The following PSD2 variants were observed in gnomAD, a reference collection of about 807,000 sequenced individuals.
The protein encoded by PSD2 is pleckstrin and Sec7 domain containing 2.
PSD2 carries 38 observed loss-of-function variants against 69.8 expected under a neutral mutation model. The ratio of observed to expected loss-of-function variants is 0.54; its 90% CI spans 0.42 to 0.71. The LOEUF (loss-of-function observed/expected upper bound fraction) is 0.71. Among genes scored for constraint, PSD2 ranks in the 30% least tolerant of loss-of-function variants. The pLI is 0.00. For missense variants in PSD2, 943 were observed against 1,014.5 expected, an observed-to-expected ratio of 0.93 and a Z score of 0.96; for synonymous variants, 412 against 423.0, an observed-to-expected ratio of 0.97 and a Z score of 0.32.
chr5:139,805,656 G>T (rs1361021196), intron 1 of PSD2, among the ~76,000 whole-genome samples: 4 of 152,190 alleles, frequency 2.6e-5, no homozygotes, highest in African/African-American at 7.2e-5. Flanking sequence ...TGTTGGAGTT[G>T]AGCCCTGAGT....
chr5:139,752,194 A>T, the PSD2 span, among the ~76,000 whole-genome samples: 8 of 152,182 alleles, frequency 5.3e-5, no homozygotes, highest in East Asian at 1.5e-3. Context: ...CCTACTGGTC[A>T]CGTCTCTCTC....
At chr5:139,756,746 T>C in the PSD2 span, among the ~76,000 whole-genome samples, 1 of 152,148 alleles carries the variant, frequency 6.6e-6, no homozygotes, top group African/African-American at 2.4e-5. Flanking sequence ...AAAATCAAAG[T>C]TGGCCTTCAG....
chr5:139,757,925 C>T, the PSD2 span, among the ~76,000 whole-genome samples: 3 of 152,260 alleles, frequency 2.0e-5, no homozygotes, highest in Admixed American at 6.5e-5. Flanking sequence ...CCTGTAGTCC[C>T]AGCGCTTTGG....
At chr5:139,816,097 T>C (rs755020205) in intron 4 of PSD2, among the ~76,000 whole-genome samples, 2 of 152,150 alleles carry the variant, frequency 1.3e-5, no homozygotes, top group Non-Finnish European at 2.9e-5. Context: ...AAAGTTACTA[T>C]TTGCTTCATT....
At chr5:139,793,149 G>A (rs1376273789), upstream of PSD2, among the ~76,000 whole-genome samples, 3 of 151,976 alleles carry the variant, frequency 2.0e-5, no homozygotes, top group Non-Finnish European at 4.4e-5. Context: ...CACTGTGTTG[G>A]CCAGGCTGGT....
chr5:139,822,635 T>C lies in PSD2; in HGVS notation c.1211-91T>C, dbSNP rs1760299444. On this transcript the variant is annotated intron_variant, in intron 6 of 14. Transcript: ENST00000274710. ...TTGGCAGGCGGCCGGCCTCCCTCTGTGTCCAAGGTCTCCTGACGGGTTCCG... is the reference window on the plus strand; with the variant it reads ...TTGGCAGGCGGCCGGCCTCCCTCTGCGTCCAAGGTCTCCTGACGGGTTCCG... 9 of 1,177,210 alleles carry C rather than the reference T, an allele frequency of 7.6e-6. No individual in the cohort carries two copies. In the South Asian group the frequency reaches 1.2e-4, roughly 16 times the overall value. 72.9% of individuals were successfully genotyped at this position (1,177,210 alleles called of 1,614,324 possible).
chr5:139,744,912 C>T, the PSD2 span: 1 of 152,358 alleles, frequency 6.6e-6, no homozygotes, highest in Non-Finnish European at 1.5e-5. Context: ...ATGGTACATT[C>T]AGGAGGGCAT....
intron 7 of PSD2, 116 bp downstream of exon 7, chr5:139,822,900 T>TG (rs1760308857): frequency 1.2e-6 from 1 of 864,386 alleles, no homozygotes; most frequent in South Asian, 2.3e-5. Context: ...TTTGAAGCGG[T>TG]GGGGGTTGGG....
the PSD2 span, among the ~76,000 whole-genome samples, chr5:139,765,887 C>A: frequency 1.4e-5 from 2 of 146,454 alleles, no homozygotes; most frequent in African/African-American, 4.9e-5. Flanking sequence ...CTGGTGGCTG[C>A]TGAGCAGTAC....
intron 1 of PSD2, among the ~76,000 whole-genome samples, chr5:139,808,695 G>A (rs1759871055): frequency 1.3e-5 from 2 of 152,192 alleles, no homozygotes; most frequent in South Asian, 4.1e-4. Flanking sequence ...GGCTCTGGGC[G>A]CTGTGTGTGG....
At chr5:139,792,506 T>C (rs188967100), upstream of PSD2, among the ~76,000 whole-genome samples, 2 of 152,064 alleles carry the variant, frequency 1.3e-5, no homozygotes, top group Non-Finnish European at 1.5e-5. Context: ...GGCCCCTCCA[T>C]GTGCAAGGGT....
At position 139,842,457 on chromosome 5, in the gene PSD2, A is replaced by G. The variant is rs1366842774; in HGVS notation, c.2299A>G (p.Thr767Ala). 1.2e-6 allele frequency: 2 copies of G among 1,613,848 alleles called. No individual in the cohort carries two copies. The highest frequency in any genetic ancestry group is 2.7e-5 in the African/African-American group (2 of 74,924). ...VTGSKTTKDATGPDT is the reference protein window; with the variant it reads ...VTGSKTTKDAAGPDT The stretch of plus-strand genomic sequence containing the variant: ...TGGCAGCAAAACCACAAAGGATGCC[A>G]CTGGGCCTGATACTTAGCTGACATG... The change falls in exon 15 of 15, where the codon ACT becomes GCT. Residue 767 changes from threonine to alanine, a missense_variant. Thr to Ala is a moderately conservative substitution (Grantham distance 58). Around this residue, in one of 3 missense-constraint regions of PSD2, gnomAD observed 165 missense variants for 168.8 expected, o/e 0.98. Transcript: ENST00000274710.
chr5:139,777,955 A>C, the PSD2 span, among the ~76,000 whole-genome samples: 1 of 152,220 alleles, frequency 6.6e-6, no homozygotes, highest in Non-Finnish European at 1.5e-5. Context: ...GGCTCCCAAC[A>C]ACCATTCCCT....
In PSD2 at chr5:139,814,669, G is replaced by A. The variant is rs1760073225; in HGVS notation, c.1016+305G>A. Among the ~76,000 whole-genome samples, 1 of 152,118 alleles carries A rather than the reference G, an allele frequency of 6.6e-6. No individual in the cohort carries two copies. The highest frequency in any genetic ancestry group is 2.1e-4 in the South Asian group (1 of 4,838). The stretch of plus-strand genomic sequence containing the variant: ...CCACGATGGATGTGAGGACAGAGAA[G>A]CCAGCAGGAGCTGGGCCCAGCTAAT... On this transcript the variant is annotated intron_variant, in intron 4 of 14. Coordinates refer to ENST00000274710, the MANE Select transcript of PSD2 (RefSeq NM_032289.4). This position sits in a 1 kb window ranked among gnomAD's most constrained non-coding sequence, Gnocchi z 4.4.
chr5:139,771,215 C>T, the PSD2 span, among the ~76,000 whole-genome samples: 2 of 152,162 alleles, frequency 1.3e-5, no homozygotes, highest in Non-Finnish European at 1.5e-5. Flanking sequence ...GTGACTGGCC[C>T]GGGTGGCGGA....
Position 139,837,782 on chromosome 5 carries a change from C to A in PSD2, c.1823C>A (p.Pro608Gln). The A allele has an allele frequency of 6.2e-7, 1 of 1,607,088 alleles. No homozygotes were observed. Among genetic ancestry groups the A allele is most frequent in the Non-Finnish European group, 8.5e-7 (1 of 1,174,732 alleles). ...TGGAGGGTATTCCTCTTCCAGGCAC[C>A]GTGAGTAGGAGCTGGAGCCCTTCAC... The part of the protein sequence containing the change: ...ADWRVFLFQA[P>Q]SKEEMLSWIL... The change falls in exon 12 of 15, where the codon CCG (proline) becomes CAG (glutamine). Residue 608 changes from proline to glutamine, a missense_variant and splice_region_variant. Physicochemically the swap from Pro to Gln is moderately conservative, Grantham distance 76. Coordinates refer to ENST00000274710, the MANE Select transcript of PSD2 (RefSeq NM_032289.4). This position sits in a 1 kb window ranked among gnomAD's most constrained non-coding sequence, Gnocchi z 5.0.
chr5:139,835,421 T>C (rs1760692023), intron 8 of PSD2, among the ~76,000 whole-genome samples: 1 of 152,188 alleles, frequency 6.6e-6, no homozygotes, highest in Non-Finnish European at 1.5e-5. Flanking sequence ...ACTTGCTGTA[T>C]GTCAAGTTCT....
Position 139,840,018 on chromosome 5 carries a change from T to A in PSD2, c.1969-9T>A. On this transcript the variant is annotated splice_polypyrimidine_tract_variant and intron_variant, in intron 13 of 14. Coordinates refer to ENST00000274710, the MANE Select transcript of PSD2 (RefSeq NM_032289.4). ...GTAAGGCCTCACAGTCCAGGATTTG[T>A]CTTTGCAGGAGGAGCAACTGCGGTC... 6.2e-7 allele frequency: 1 copy of A among 1,614,136 alleles called. No homozygotes were observed. The highest frequency in any genetic ancestry group is 8.5e-7 in the Non-Finnish European group (1 of 1,179,988).
intron 5 of PSD2, among the ~76,000 whole-genome samples, chr5:139,820,603 C>T (rs550471481): frequency 4.6e-5 from 7 of 152,196 alleles, no homozygotes; most frequent in South Asian, 2.1e-4. Flanking sequence ...TGGGCCAAAA[C>T]GAAATGAACT....
Sources: allele counts gnomAD v4.1 joint callset (sites outside exome capture counted in the v4.1 genomes callset), GRCh38; gene constraint gnomAD v4.1.1; regional missense constraint gnomAD v4.1.1; non-coding constraint Gnocchi (gnomAD v3.1); transcripts MANE v1.5; gene names NCBI Gene and HGNC (gene_info 2026-07-23, HGNC 2026-07-21).